SNAPC1: variants seen among roughly 807,000 people sequenced by gnomAD.
SNAPC1 encodes snRNA-activating protein complex subunit 1.
SNAPC1 carries 42 observed loss-of-function variants against 50.1 expected under a neutral mutation model. That is an observed-to-expected ratio of 0.84 (90% CI 0.65 to 1.08). The LOEUF is 1.08. SNAPC1 is among the 50% of genes least tolerant of loss of function. The pLI is 0.00. For synonymous variants in SNAPC1, 164 were observed against 144.2 expected, an observed-to-expected ratio of 1.14 and a Z score of -0.98; for missense variants, 477 against 427.3, an observed-to-expected ratio of 1.12 and a Z score of -1.02.
chr14:61,762,637 T>C, intron 1 of SNAPC1, 49 bp downstream of exon 1: 3 of 1,607,550 alleles, frequency 1.9e-6, no homozygotes, highest in Non-Finnish European at 2.6e-6. Flanking sequence ...GCAGGTGGTG[T>C]AGAAAGTTGC....
intron 4 of SNAPC1, 99 bp downstream of exon 4, chr14:61,768,839 A>G: frequency 1.6e-6 from 1 of 631,148 alleles, no homozygotes; most frequent in Admixed American, 2.7e-5. Context: ...TGATTTTTCT[A>G]ATGATTTTAA....
chr14:61,768,114 A>C (rs1294369504), intron 3 of SNAPC1, among the ~76,000 whole-genome samples: 3 of 152,216 alleles, frequency 2.0e-5, no homozygotes, highest in Non-Finnish European at 4.4e-5. Flanking sequence ...GGTATTTTCT[A>C]ATTACTACTT....
chr14:61,792,848 C>A lies in SNAPC1; in HGVS notation c.1018C>A (p.Leu340Met). 6.2e-7 allele frequency: 1 copy of A among 1,602,166 alleles called. No homozygotes were observed. The highest frequency in any genetic ancestry group is 1.1e-5 in the South Asian group (1 of 89,816). Residue 340 changes from leucine to methionine, a missense_variant, in exon 9 of 10, where the codon CTG (leucine) becomes ATG (methionine). Coordinates refer to ENST00000216294, the MANE Select transcript of SNAPC1 (RefSeq NM_003082.4). ...ACACAAGGAAGATAAACCTTTAAGT[C>A]TGAGTATGCCTGTAATTACAGAAGA... ...NIHKEDKPLS[L>M]SMPVITEEEE...
intron 9 of SNAPC1, among the ~76,000 whole-genome samples, chr14:61,793,700 A>G (rs1306817903): frequency 8.0e-6 from 1 of 124,346 alleles, no homozygotes; most frequent in Non-Finnish European, 1.6e-5. Context: ...TCTGTCACCC[A>G]GGCTGGAGTG....
chr14:61,782,811 C>T (rs1196881002), intron 8 of SNAPC1, among the ~76,000 whole-genome samples: 4 of 151,960 alleles, frequency 2.6e-5, no homozygotes, highest in African/African-American at 2.4e-5. Flanking sequence ...GAGGCTGAGG[C>T]ACGAGAATTG....
Position 61,795,064 on chromosome 14 carries a change from C to A in SNAPC1, c.*81C>A. The A allele has an allele frequency of 1.2e-6, 1 of 859,712 alleles. No individual in the cohort carries two copies. The allele number at this position is 859,712 out of a possible 1,614,324, so 53.3% of individuals were successfully genotyped here. ...ATATTTTGTGTATTGAACAGGAAGA[C>A]TGCCAGTATTAAAAAAATCCTTCTG... On this transcript the variant is annotated 3_prime_UTR_variant, in exon 10 of 10. Coordinates refer to ENST00000216294, the MANE Select transcript of SNAPC1 (RefSeq NM_003082.4).
At chr14:61,782,900 TCAAAA>T (rs953300314) in intron 8 of SNAPC1, among the ~76,000 whole-genome samples, 3 of 151,552 alleles carry the variant, frequency 2.0e-5, no homozygotes, top group Non-Finnish European at 4.4e-5. Flanking sequence ...AGCAAGACTC[TCAAAA>T]CAAACAAACA....
At chr14:61,792,770 T>G (rs2045161895) in intron 8 of SNAPC1, 37 bp from the exon 9 acceptor site, 1 of 1,152,698 alleles carries the variant, frequency 8.7e-7, no homozygotes, top group Non-Finnish European at 1.2e-6. Context: ...ATAATATTCT[T>G]TGCTTTCATA....
intron 2 of SNAPC1, 81 bp downstream of exon 2, chr14:61,767,116 A>T: frequency 9.1e-7 from 1 of 1,099,548 alleles, no homozygotes; most frequent in South Asian, 2.7e-5. Context: ...ATATGATTAA[A>T]TATGATTTAA....
intron 8 of SNAPC1, among the ~76,000 whole-genome samples, chr14:61,783,272 C>G (rs993884794): frequency 6.6e-6 from 1 of 151,636 alleles, no homozygotes; most frequent in South Asian, 2.1e-4. Context: ...CTCAGGTGAT[C>G]CACCTGCCTT....
chr14:61,777,784 T>A (rs1422800685), intron 5 of SNAPC1, among the ~76,000 whole-genome samples: 3 of 152,072 alleles, frequency 2.0e-5, no homozygotes, highest in Admixed American at 6.6e-5. Context: ...CAAAGAGCAT[T>A]ACTCCAAGCT....
intron 9 of SNAPC1, among the ~76,000 whole-genome samples, chr14:61,794,065 G>T (rs1180107971): frequency 6.6e-6 from 1 of 152,086 alleles, no homozygotes; most frequent in Non-Finnish European, 1.5e-5. Flanking sequence ...GTTTCTAGAT[G>T]GACAATTATT....
Position 61,762,700 on chromosome 14 carries a change from C to G in SNAPC1, c.128+112C>G, listed in dbSNP as rs557620745. ...AAGGGCTGAGAAGAGCGGCAGTCACCGAAGGTTGCCTCCATGACTCCTGGA... is the reference window on the plus strand; with the variant it reads ...AAGGGCTGAGAAGAGCGGCAGTCACGGAAGGTTGCCTCCATGACTCCTGGA... On this transcript the variant is annotated intron_variant, in intron 1 of 9. Coordinates refer to ENST00000216294, the MANE Select transcript of SNAPC1 (RefSeq NM_003082.4). The G allele has an allele frequency of 5.9e-5, 76 of 1,286,566 alleles. No individual in the cohort carries two copies. In the East Asian group the frequency reaches 1.8e-3, roughly 30 times the overall value. The allele number at this position is 1,286,566 out of a possible 1,614,324, so 79.7% of individuals were successfully genotyped here. A position where few individuals can be genotyped will look rare whatever the true frequency, so the allele number is the denominator to read the frequency against.
At position 61,778,861 on chromosome 14, in the gene SNAPC1, C is replaced by G. The variant is rs1269263023; in HGVS notation, c.776C>G (p.Ala259Gly). 6.4e-7 allele frequency: 1 copy of G among 1,559,106 alleles called. No individual in the cohort carries two copies. Among genetic ancestry groups the G allele is most frequent in the Non-Finnish European group, 8.6e-7 (1 of 1,156,700 alleles). The change falls in exon 7 of 10, where the codon GCA (alanine) becomes GGA (glycine). Residue 259 changes from alanine to glycine, a missense_variant. Transcript: ENST00000216294. Reference protein sequence around the residue: ...NSQETERCERAESLAKIKSKA... With the variant: ...NSQETERCERGESLAKIKSKA... ...TTTTACATCCAGAGATGTGAAAGGG[C>G]AGAATCATTAGCGAAAATAAAATCA... is the stretch of plus-strand genomic sequence containing the variant.
intron 8 of SNAPC1, among the ~76,000 whole-genome samples, chr14:61,788,473 G>T (rs2045130106): frequency 6.6e-6 from 1 of 152,110 alleles, no homozygotes; most frequent in African/African-American, 2.4e-5. Flanking sequence ...ATTTCTAATT[G>T]TAAAAGAGCT....
Position 61,794,654 on chromosome 14 carries a change from C to T in SNAPC1, c.1073-295C>T, listed in dbSNP as rs143053442. On this transcript the variant is annotated intron_variant, in intron 9 of 9. Transcript: ENST00000216294. ...CGATCCCCTGACCTCATGATTCGCC[C>T]ACCTTAGCCTCCCAGAGTGCTGGGA... is the stretch of plus-strand genomic sequence containing the variant. 2.0e-5 allele frequency among the ~76,000 whole-genome samples: 3 copies of T among 152,238 alleles called. No individual in the cohort carries two copies. The East Asian group carries it at 5.8e-4, about 29-fold the overall frequency.
chr14:61,766,738 T>C, intron 1 of SNAPC1, 138 bp from the exon 2 acceptor site: 1 of 488,744 alleles, frequency 2.0e-6, no homozygotes. Flanking sequence ...ATTATCTCTT[T>C]GTGCTTGAAT....
intron 4 of SNAPC1, among the ~76,000 whole-genome samples, chr14:61,769,370 C>A (rs1025894452): frequency 6.7e-6 from 1 of 148,682 alleles, no homozygotes; most frequent in African/African-American, 2.5e-5. Context: ...AACAAAAAAA[C>A]CAATGTGCAT....
At chr14:61,763,641 G>A (rs1168780378) in intron 1 of SNAPC1, among the ~76,000 whole-genome samples, 1 of 152,072 alleles carries the variant, frequency 6.6e-6, no homozygotes, top group African/African-American at 2.4e-5. Flanking sequence ...CTTCTAGACT[G>A]AGTACGCTGT....
Sources: gnomAD v4.1 joint callset for allele counts (sites outside exome capture counted in the v4.1 genomes callset) on GRCh38, gnomAD v4.1.1 for gene constraint, MANE v1.5 for transcripts, NCBI Gene and HGNC (gene_info 2026-07-23, HGNC 2026-07-21) for gene names.